Variants in DCDC2 observed in about 807,000 individuals in gnomAD.
DCDC2 encodes the protein doublecortin domain-containing protein 2.
A neutral mutation model predicts 50.2 loss-of-function variants in DCDC2; 40 were observed. That is an observed-to-expected ratio of 0.80 (90% CI 0.62 to 1.04). DCDC2 has a LOEUF of 1.04. DCDC2 is among the 50% of genes least tolerant of loss of function. DCDC2 has a pLI of 0.00. For synonymous variants in DCDC2, 234 were observed against 210.6 expected, an observed-to-expected ratio of 1.11 and a Z score of -0.96; for missense variants, 570 against 581.9, an observed-to-expected ratio of 0.98 and a Z score of 0.21.
chr6:24,250,568 A>T (rs1055119522), intron 7 of DCDC2, among the ~76,000 whole-genome samples: 8 of 152,216 alleles, frequency 5.3e-5, no homozygotes, highest in African/African-American at 1.9e-4. Context: ...TATAAGGCAA[A>T]AGTTACTGAT....
intron 2 of DCDC2, among the ~76,000 whole-genome samples, chr6:24,339,295 C>A (rs189704686): frequency 1.2e-4 from 18 of 152,188 alleles, no homozygotes; most frequent in African/African-American, 4.3e-4. Flanking sequence ...CAGCCTGTGC[C>A]GCCTGTATCC....
intron 2 of DCDC2, among the ~76,000 whole-genome samples, 165 bp from the exon 3 acceptor site, chr6:24,302,209 G>C (rs1018823994): frequency 6.8e-6 from 1 of 148,030 alleles, no homozygotes; most frequent in Non-Finnish European, 1.5e-5. Flanking sequence ...TCACCCTTTA[G>C]CAATATTATA....
At chr6:24,367,029 T>C in the DCDC2 span, among the ~76,000 whole-genome samples, 1 of 151,712 alleles carries the variant, frequency 6.6e-6, no homozygotes, top group South Asian at 2.1e-4. Flanking sequence ...GGGATGGGGG[T>C]CTCTCTGTGT....
At chr6:24,291,161 C>A in intron 4 of DCDC2, 83 bp from the exon 5 acceptor site, 1 of 1,368,548 alleles carries the variant, frequency 7.3e-7, no homozygotes, top group African/African-American at 1.5e-5. Context: ...TTCTGGATGT[C>A]AAAAAAATTA....
At chr6:24,192,449 C>T (rs576689828) in intron 8 of DCDC2, among the ~76,000 whole-genome samples, 8 of 151,852 alleles carry the variant, frequency 5.3e-5, no homozygotes, top group African/African-American at 1.2e-4. Context: ...AGCCAAGAAA[C>T]GACTCTGACA....
At chr6:24,233,425 T>G (rs992321006) in intron 7 of DCDC2, among the ~76,000 whole-genome samples, 1 of 152,236 alleles carries the variant, frequency 6.6e-6, no homozygotes, top group Non-Finnish European at 1.5e-5. Flanking sequence ...TACCCCTTAA[T>G]GTATTTTAAT....
chr6:24,236,103 A>G (rs1413082884), intron 7 of DCDC2, among the ~76,000 whole-genome samples: 1 of 152,228 alleles, frequency 6.6e-6, no homozygotes, highest in East Asian at 1.9e-4. Flanking sequence ...TCTAAAATTC[A>G]TATGAACCAA....
At chr6:24,301,094 G>A (rs868723600) in intron 4 of DCDC2, among the ~76,000 whole-genome samples, 5 of 151,074 alleles carry the variant, frequency 3.3e-5, no homozygotes, top group South Asian at 4.2e-4. Context: ...AGGCTGGGCC[G>A]GGCTTGGTGG....
chr6:24,251,125 G>C (rs1322593927), intron 7 of DCDC2, among the ~76,000 whole-genome samples: 1 of 152,144 alleles, frequency 6.6e-6, no homozygotes, highest in Non-Finnish European at 1.5e-5. Context: ...GTCGCTTCCA[G>C]CAGGTCTAAA....
chr6:24,221,793 C>T (rs1323733551), intron 7 of DCDC2, among the ~76,000 whole-genome samples: 1 of 152,182 alleles, frequency 6.6e-6, no homozygotes, highest in Non-Finnish European at 1.5e-5. Context: ...AGTGTTTGAG[C>T]CAGGGGTAAG....
intron 2 of DCDC2, among the ~76,000 whole-genome samples, chr6:24,313,542 ATT>A: frequency 6.6e-6 from 1 of 152,298 alleles, no homozygotes; most frequent in African/African-American, 2.4e-5. Context: ...TGGAATGTAA[ATT>A]TTCCACTAGG....
In DCDC2 at chr6:24,355,679, C is replaced by A. The variant is rs1056539008; in HGVS notation, c.293+1779G>T. On this transcript the variant is annotated intron_variant, in intron 1 of 9. Transcript: ENST00000378454. ...CCTTTAAGCATGCAATTTCATTTAG[C>A]CCTTTTTTACGAAGTTTAACAAAGC... is the stretch of plus-strand genomic sequence containing the variant. Among the ~76,000 whole-genome samples, 58 of 152,078 alleles carry A rather than the reference C, an allele frequency of 3.8e-4. 2 individuals carry two copies.
chr6:24,187,965 TG>T (rs1236997010), intron 8 of DCDC2, among the ~76,000 whole-genome samples: 2 of 152,246 alleles, frequency 1.3e-5, no homozygotes, highest in Non-Finnish European at 2.9e-5. Context: ...CTCCAAGTAG[TG>T]ACAAAAGGAT....
Position 24,178,482 on chromosome 6 carries a change from G to T in DCDC2, c.1174C>A (p.Leu392Met). ...CGTGCCTGCTGCTCACTGTGATCCA[G>T]AATCTCCTCGACTTGCTCAGGGGCA... is the stretch of plus-strand genomic sequence containing the variant. ...TDAPEQVEEI[L>M]DHSEQQARPA... The change falls in exon 9 of 10, where the codon CTG becomes ATG. Residue 392 changes from leucine (L) to methionine (M), a missense_variant. Transcript: ENST00000378454. 6.2e-7 allele frequency: 1 copy of T among 1,614,136 alleles called. No individual in the cohort carries two copies. The highest frequency in any genetic ancestry group is 8.5e-7 in the Non-Finnish European group (1 of 1,180,042).
chr6:24,307,952 T>C (rs1401810753), intron 2 of DCDC2, among the ~76,000 whole-genome samples: 1 of 152,122 alleles, frequency 6.6e-6, no homozygotes, highest in Non-Finnish European at 1.5e-5. Flanking sequence ...TGATGAACCC[T>C]TTCTAAGGGA....
chr6:24,207,394 T>C (rs1761744267), intron 7 of DCDC2, among the ~76,000 whole-genome samples: 1 of 151,728 alleles, frequency 6.6e-6, no homozygotes, highest in Non-Finnish European at 1.5e-5. Flanking sequence ...GCATTTCTCA[T>C]GTCACTAAAT....
intron 5 of DCDC2, among the ~76,000 whole-genome samples, chr6:24,290,728 C>A (rs1175650844): frequency 2.0e-5 from 3 of 152,050 alleles, no homozygotes; most frequent in Non-Finnish European, 4.4e-5. Flanking sequence ...TTCATAACTT[C>A]CCAGAAATTA....
At chr6:24,285,933 T>C (rs1763597153) in intron 6 of DCDC2, among the ~76,000 whole-genome samples, 1 of 152,164 alleles carries the variant, frequency 6.6e-6, no homozygotes, top group Non-Finnish European at 1.5e-5. Context: ...ATTAATAAGC[T>C]AATATCTATA....
At chr6:24,368,299 G>C in the DCDC2 span, among the ~76,000 whole-genome samples, 2 of 151,946 alleles carry the variant, frequency 1.3e-5, no homozygotes, top group Non-Finnish European at 2.9e-5. Context: ...ATTAACTAAA[G>C]TTTTCTGTAA....
Sources: allele counts gnomAD v4.1 joint callset (sites outside exome capture counted in the v4.1 genomes callset), GRCh38; gene constraint gnomAD v4.1.1; transcripts MANE v1.5; gene names NCBI Gene and HGNC (gene_info 2026-07-23, HGNC 2026-07-21).